MACF1: variants seen among roughly 807,000 people sequenced by gnomAD.
The protein encoded by MACF1 is microtubule actin crosslinking factor 1.
Under a neutral mutation model 854.8 loss-of-function variants are expected in MACF1, and 193 were observed. The observed-to-expected ratio is 0.23, with a 90% confidence interval of 0.20 to 0.25. The LOEUF (loss-of-function observed/expected upper bound fraction) is 0.25. Ranked by LOEUF, MACF1 falls within the 10% of genes least tolerant of loss-of-function variation. The pLI, the probability that MACF1 is intolerant of heterozygous loss-of-function variation, is 1.00. For synonymous variants in MACF1, 3,185 were observed against 3,226.7 expected (o/e 0.99, Z 0.44); for missense variants, 7,722 against 8,929.1 (o/e 0.86, Z 5.45).
chr1:39,484,941 C>G, intron 100 of MACF1: 1 of 612,326 alleles, frequency 1.6e-6, no homozygotes, highest in Admixed American at 3.0e-5. Flanking sequence ...GATGCTTCCA[C>G]AGCCAAAGCT....
chr1:39,441,408 G>A (rs1644114192), intron 74 of MACF1, 83 bp downstream of exon 74: 1 of 1,096,828 alleles, frequency 9.1e-7, no homozygotes, highest in African/African-American at 1.6e-5. Context: ...AAGCACAAAA[G>A]TGGATCACCT....
intron 2 of MACF1, among the ~76,000 whole-genome samples, chr1:39,155,639 A>G (rs1423686027): frequency 1.3e-5 from 2 of 152,252 alleles, no homozygotes; most frequent in African/African-American, 4.8e-5. Flanking sequence ...GTAAATATGT[A>G]TATTTTTATA....
At position 39,251,938 on chromosome 1, in the gene MACF1, T is replaced by C; in HGVS notation, c.354T>C (p.Asp118=). ...NEEQAEEDDD[D]VPREKGRMRF... ...AGCAGGCGGAGGAAGATGATGATGA[T>C]GTAGTAGGTCCTCCTGGGGATGCCA... The change falls in exon 4 of 101, where the codon GAT becomes GAC. Residue 118 remains aspartate (D), a synonymous_variant. Coordinates refer to ENST00000564288, the MANE Select transcript of MACF1 (RefSeq NM_001394062.1). The C allele has an allele frequency of 1.3e-6, 2 of 1,507,706 alleles. No homozygotes were observed. The highest frequency in any genetic ancestry group is 2.5e-5 in the South Asian group (2 of 79,778). 93.4% of individuals were successfully genotyped at this position (1,507,706 alleles called of 1,614,324 possible). A position where few individuals can be genotyped will look rare whatever the true frequency, so the allele number is the denominator to read the frequency against.
chr1:39,381,902 G>A, intron 55 of MACF1, 51 bp from the exon 56 acceptor site: 1 of 1,301,740 alleles, frequency 7.7e-7, no homozygotes. Flanking sequence ...TAGGTACCAG[G>A]CCAGTTGTTG....
At chr1:39,280,046 T>C (rs1031922759) in intron 6 of MACF1, among the ~76,000 whole-genome samples, 4 of 152,006 alleles carry the variant, frequency 2.6e-5, no homozygotes, top group African/African-American at 9.7e-5. Flanking sequence ...AGATTCTAGG[T>C]GGGCTTTATG....
chr1:39,231,195 G>A lies in MACF1; in HGVS notation c.123G>A (p.Arg41=), dbSNP rs1174744585. The A allele has an allele frequency of 6.2e-7, 1 of 1,614,136 alleles. No homozygotes were observed. The highest frequency in any genetic ancestry group is 8.5e-7 in the Non-Finnish European group (1 of 1,180,014). ...HARGRADERD[R]VQKKTFTKWV... is the part of the protein sequence containing the mutation. ...TTTCCTTTACAGATGAACGGGACCG[G>A]GTTCAGAAGAAAACGTTCACCAAGT... is the stretch of plus-strand genomic sequence containing the variant. The change falls in exon 2 of 101, where the codon CGG becomes CGA. Residue 41 remains arginine (R), a synonymous_variant. Coordinates refer to ENST00000564288, the MANE Select transcript of MACF1 (RefSeq NM_001394062.1).
intron 53 of MACF1, 137 bp downstream of exon 53, chr1:39,378,660 C>A: frequency 2.5e-6 from 2 of 800,876 alleles, no homozygotes; most frequent in Non-Finnish European, 4.0e-6. Context: ...TGGGGAGAAG[C>A]AACTGTGGTT....
At chr1:39,474,092 TTAAAA>T (rs1235008080) in intron 97 of MACF1, among the ~76,000 whole-genome samples, 1 of 151,644 alleles carries the variant, frequency 6.6e-6, no homozygotes, top group African/African-American at 2.4e-5. Flanking sequence ...CATCTCTGTT[TTAAAA>T]TAAAATACAG....
At chr1:39,346,589 G>A (rs901011295) in intron 40 of MACF1, among the ~76,000 whole-genome samples, 2 of 148,584 alleles carry the variant, frequency 1.3e-5, no homozygotes, top group Non-Finnish European at 3.0e-5. Flanking sequence ...GTGCAGTCTC[G>A]GCTCACCGCA....
At chr1:39,453,940 TTCAC>T (rs1289523720) in intron 88 of MACF1, 90 bp downstream of exon 88, 1 of 1,445,392 alleles carries the variant, frequency 6.9e-7, no homozygotes, top group Non-Finnish European at 9.4e-7. Flanking sequence ...TAAGGAATCT[TTCAC>T]TCACTGTGAA....
At chr1:39,184,508 C>G (rs1302879303) in intron 2 of MACF1, among the ~76,000 whole-genome samples, 12 of 152,064 alleles carry the variant, frequency 7.9e-5, no homozygotes, top group Admixed American at 7.9e-4. Flanking sequence ...GCTCAAAGCC[C>G]AGTTAAGTCT....
chr1:39,452,537 G>A, intron 86 of MACF1, 147 bp from the exon 87 acceptor site: 2 of 1,182,716 alleles, frequency 1.7e-6, no homozygotes, highest in Non-Finnish European at 2.4e-6. Flanking sequence ...GATTTTCAAA[G>A]ATCTACAAAT....
intron 92 of MACF1, among the ~76,000 whole-genome samples, chr1:39,461,038 C>T (rs1420901206): frequency 6.8e-6 from 1 of 148,046 alleles, no homozygotes; most frequent in Non-Finnish European, 1.5e-5. Context: ...AAGCTGTAAT[C>T]GTGCCAGTGA....
chr1:39,282,528 A>G, intron 7 of MACF1, 154 bp downstream of exon 7: 1 of 941,030 alleles, frequency 1.1e-6, no homozygotes, highest in Non-Finnish European at 1.5e-6. Flanking sequence ...CTACTTTTCT[A>G]GGAACTGGGT....
rs1408903725 is a variant in MACF1 at position 39,477,070 on chromosome 1, TATATATATATATATATATATACAC to T, written c.21959-2726_21959-2703del. On this transcript the variant is annotated intron_variant, in intron 97 of 100. Coordinates refer to ENST00000564288, the MANE Select transcript of MACF1 (RefSeq NM_001394062.1). ...GTATATATATATATATATATATATA[TATATATATATATATATATATACAC>T]ACACACACATATATACACTTAGTGT... is the stretch of plus-strand genomic sequence containing the variant. 2.5e-3 allele frequency among the ~76,000 whole-genome samples: 107 copies of T among 43,156 alleles called. 6 individuals are homozygous for T. The highest frequency in any genetic ancestry group is 0.013 in the East Asian group (11 of 858). The allele number at this position is 43,156 out of a possible 152,430, so 28.3% of individuals were successfully genotyped here. A position where few individuals can be genotyped will look rare whatever the true frequency, so the allele number is the denominator to read the frequency against.
At chr1:39,231,066 C>T in intron 1 of MACF1, 116 bp from the exon 2 acceptor site, 1 of 793,996 alleles carries the variant, frequency 1.3e-6, no homozygotes, top group South Asian at 1.5e-5. Context: ...AGTCACTGTC[C>T]CACAGTTATG....
chr1:39,254,594 A>C (rs1645077571), intron 5 of MACF1: 1 of 480,736 alleles, frequency 2.1e-6, no homozygotes, highest in Non-Finnish European at 3.7e-6. Flanking sequence ...AAGAATGTTC[A>C]CGGAGAAGAA....
At chr1:39,315,016 C>T (rs1283766592) in intron 26 of MACF1, among the ~76,000 whole-genome samples, 1 of 152,056 alleles carries the variant, frequency 6.6e-6, no homozygotes, top group Non-Finnish European at 1.5e-5. Flanking sequence ...TTAAATTTTC[C>T]TTATTTATTT....
Position 39,278,157 on chromosome 1 carries a change from T to G in MACF1, c.529-4051T>G, listed in dbSNP as rs910275049. On this transcript the variant is annotated intron_variant, in intron 6 of 100. Coordinates refer to ENST00000564288, the MANE Select transcript of MACF1 (RefSeq NM_001394062.1). ...GATGAGGGAGAAAGATCTCTGAAAC[T>G]AAAGCTGGATTTCTGCATTTGGGAG... is the stretch of plus-strand genomic sequence containing the variant. 2.6e-5 allele frequency among the ~76,000 whole-genome samples: 4 copies of G among 152,198 alleles called. No individual in the cohort carries two copies. The East Asian group carries it at 7.7e-4, about 29-fold the overall frequency.
Sources: allele counts gnomAD v4.1 joint callset (sites outside exome capture counted in the v4.1 genomes callset), GRCh38; gene constraint gnomAD v4.1.1; transcripts MANE v1.5; gene names NCBI Gene and HGNC (gene_info 2026-07-23, HGNC 2026-07-21).